Variants in PRR16 observed in about 807,000 individuals in gnomAD.
The protein encoded by PRR16 is protein Largen.
PRR16 carries 6 observed loss-of-function variants against 18.2 expected under a neutral mutation model. The ratio of observed to expected loss-of-function variants is 0.33; its 90% CI spans 0.18 to 0.65. The LOEUF (loss-of-function observed/expected upper bound fraction) is 0.65, where lower values mean the gene tolerates loss of function less well. PRR16 is among the 30% of genes least tolerant of loss of function. PRR16 has a pLI of 0.74. For synonymous variants in PRR16, 151 were observed against 147.8 expected, an observed-to-expected ratio of 1.02 and a Z score of -0.16; for missense variants, 412 against 376.6, an observed-to-expected ratio of 1.09 and a Z score of -0.78.
intron 1 of PRR16, among the ~76,000 whole-genome samples, chr5:120,539,120 C>G (rs540403700): frequency 1.3e-5 from 2 of 152,110 alleles, no homozygotes; most frequent in East Asian, 3.9e-4. Context: ...ACTTTGACGC[C>G]ATTTCTACAC....
intron 1 of PRR16, among the ~76,000 whole-genome samples, chr5:120,652,237 T>C (rs1452499609): frequency 6.6e-6 from 1 of 152,088 alleles, no homozygotes; most frequent in Non-Finnish European, 1.5e-5. Flanking sequence ...TGTCTATGTT[T>C]TTTTTGTTTA....
intron 1 of PRR16, among the ~76,000 whole-genome samples, chr5:120,470,776 A>G (rs1302704266): frequency 6.6e-6 from 1 of 152,172 alleles, no homozygotes; most frequent in Non-Finnish European, 1.5e-5. Flanking sequence ...TTTACACATA[A>G]GAAATCTGAG....
the PRR16 span, among the ~76,000 whole-genome samples, chr5:120,724,807 A>G: frequency 3.3e-5 from 5 of 152,024 alleles, no homozygotes; most frequent in African/African-American, 1.2e-4. Flanking sequence ...TGTTTCATCA[A>G]ATACATAGGA....
intron 1 of PRR16, chr5:120,481,328 A>C (rs1279667886): frequency 7.1e-6 from 3 of 425,020 alleles, no homozygotes; most frequent in Non-Finnish European, 1.4e-5. Context: ...ACGGGGTTTC[A>C]CTGTGTTGCC....
the PRR16 span, among the ~76,000 whole-genome samples, chr5:120,736,858 GTA>G: frequency 6.6e-6 from 1 of 151,692 alleles, no homozygotes; most frequent in Non-Finnish European, 1.5e-5. Context: ...ATTGTAAATA[GTA>G]TTGCTTTCCT....
At chr5:120,754,323 TTA>T in the PRR16 span, among the ~76,000 whole-genome samples, 70 of 77,228 alleles carry the variant, frequency 9.1e-4, 1 homozygote, top group East Asian at 0.011. Flanking sequence ...CATATAAATA[TTA>T]TATGTTATAT....
intron 1 of PRR16, among the ~76,000 whole-genome samples, chr5:120,529,083 T>C (rs1482628885): frequency 1.3e-5 from 2 of 152,174 alleles, no homozygotes; most frequent in African/African-American, 4.8e-5. Context: ...TTAGCAGCAT[T>C]AGTTCTTAAT....
the PRR16 span, among the ~76,000 whole-genome samples, chr5:120,701,544 A>T: frequency 9.2e-5 from 14 of 152,264 alleles, no homozygotes; most frequent in East Asian, 3.9e-4. Flanking sequence ...AACGAAACTG[A>T]AAGCCGGACC....
chr5:120,495,247 C>T (rs1750205116), intron 1 of PRR16, among the ~76,000 whole-genome samples: 1 of 151,922 alleles, frequency 6.6e-6, no homozygotes, highest in African/African-American at 2.4e-5. Context: ...ATTTCATTGT[C>T]ATTTTGTAGT....
intron 1 of PRR16, among the ~76,000 whole-genome samples, chr5:120,527,681 A>G (rs73266179): frequency 0.013 from 2,003 of 152,314 alleles, 45 homozygotes; most frequent in African/African-American, 0.046. Flanking sequence ...TGGATCTACA[A>G]CTGAATTTCC....
chr5:120,473,356 T>C (rs1749331166), intron 1 of PRR16, among the ~76,000 whole-genome samples: 1 of 152,180 alleles, frequency 6.6e-6, no homozygotes, highest in South Asian at 2.1e-4. Flanking sequence ...TGTTGCTCAG[T>C]AAGGTGGCAT....
At chr5:120,539,892 G>A (rs922382102) in intron 1 of PRR16, among the ~76,000 whole-genome samples, 1 of 152,016 alleles carries the variant, frequency 6.6e-6, no homozygotes, top group African/African-American at 2.4e-5. Context: ...AGATGACCGA[G>A]TCATTTTTAG....
chr5:120,653,412 A>G (rs1273077994), intron 1 of PRR16, among the ~76,000 whole-genome samples: 1 of 152,102 alleles, frequency 6.6e-6, no homozygotes, highest in Non-Finnish European at 1.5e-5. Flanking sequence ...AAATTAAGAA[A>G]CAGTATAGTA....
chr5:120,582,637 C>G (rs902330722), intron 1 of PRR16, among the ~76,000 whole-genome samples: 6 of 152,004 alleles, frequency 3.9e-5, no homozygotes, highest in Non-Finnish European at 7.4e-5. Flanking sequence ...AATCTGGAGG[C>G]TTTTACCAAA....
At chr5:120,555,312 C>T (rs1391767524) in intron 1 of PRR16, among the ~76,000 whole-genome samples, 1 of 151,894 alleles carries the variant, frequency 6.6e-6, no homozygotes, top group Non-Finnish European at 1.5e-5. Flanking sequence ...TTTTGAATAA[C>T]ATTGTTTTGG....
chr5:120,611,140 T>A (rs937600567), intron 1 of PRR16, among the ~76,000 whole-genome samples: 5 of 152,148 alleles, frequency 3.3e-5, no homozygotes, highest in African/African-American at 1.2e-4. Flanking sequence ...GAGAGATGAT[T>A]TAGGGTATCT....
chr5:120,651,136 G>A (rs1436114867), intron 1 of PRR16, among the ~76,000 whole-genome samples: 1 of 152,138 alleles, frequency 6.6e-6, no homozygotes, highest in Non-Finnish European at 1.5e-5. Context: ...CTTTTGAGAA[G>A]TGTCTGTTCA....
chr5:120,714,521 C>A, the PRR16 span, among the ~76,000 whole-genome samples: 219 of 152,258 alleles, frequency 1.4e-3, no homozygotes, highest in African/African-American at 4.9e-3. Context: ...GAAATAGGGA[C>A]ATTTTTACAC....
At chr5:120,730,438 G>A in the PRR16 span, among the ~76,000 whole-genome samples, 1 of 152,082 alleles carries the variant, frequency 6.6e-6, no homozygotes. Context: ...ATGATGACTG[G>A]GGAAATTTCT....
Sources: allele counts gnomAD v4.1 joint callset (sites outside exome capture counted in the v4.1 genomes callset), GRCh38; gene constraint gnomAD v4.1.1; transcripts MANE v1.5; gene names NCBI Gene and HGNC (gene_info 2026-07-23, HGNC 2026-07-21).